The following SLC16A11 variants were observed in gnomAD, a reference collection of about 807,000 sequenced individuals.
The protein encoded by SLC16A11 is solute carrier family 16 member 11.
In SLC16A11, 24 loss-of-function variants were observed where a neutral mutation model predicts 26.0. The ratio of observed to expected loss-of-function variants is 0.92; its 90% confidence interval spans 0.67 to 1.30. The LOEUF is 1.30. SLC16A11 is among the 50% of genes most tolerant of loss of function. The probability of loss-of-function intolerance (pLI) is 0.00; values close to 1 mark genes in which losing one functional copy is unlikely to be tolerated. For missense variants in SLC16A11, 638 were observed against 597.7 expected (o/e 1.07, Z -0.70); for synonymous variants, 332 against 296.0 (o/e 1.12, Z -1.25).
chr17:7,042,411 C>G lies in SLC16A11; in HGVS notation c.699G>C (p.Gly233=). The part of the protein sequence containing the change: ...FALGTALVGG[G]YFVPYVHLAP... The stretch of plus-strand genomic sequence containing the variant: ...CCAAGTGCACGTAAGGAACGAAGTA[C>G]CCGCCCCCAACCAGGGCTGTGCCTA... The change falls in exon 4 of 5, where the codon GGG becomes GGC. Residue 233 remains glycine (G), a synonymous_variant. Transcript: ENST00000574600. The surrounding 1 kb of genome is among the most constrained non-coding windows in gnomAD (Gnocchi z 5.9). 1.3e-6 allele frequency: 2 copies of G among 1,560,662 alleles called. No individual in the cohort carries two copies. Among genetic ancestry groups the G allele is most frequent in the Non-Finnish European group, 1.7e-6 (2 of 1,151,726 alleles).
At position 7,042,055 on chromosome 17, in the gene SLC16A11, G is replaced by A. The variant is rs1400386875; in HGVS notation, c.1055C>T (p.Ala352Val). 3.7e-6 allele frequency: 6 copies of A among 1,602,936 alleles called. No individual in the cohort carries two copies. The highest frequency in any genetic ancestry group is 5.1e-6 in the Non-Finnish European group (6 of 1,172,932). ...CATCAGCATCATCACCAGCCCTGTGGCCTGCACCACACCTCCGACGCCCAC... is the reference window on the plus strand; with the variant it reads ...CATCAGCATCATCACCAGCCCTGTGACCTGCACCACACCTCCGACGCCCAC... ...GLVGVGGVVQ[A>V]TGLVMMLMSL... Residue 352 changes from alanine to valine, a missense_variant, in exon 4 of 5, where the codon GCC becomes GTC. Ala to Val is a moderately conservative substitution (Grantham distance 64). Transcript: ENST00000574600. The surrounding 1 kb of genome is among the most constrained non-coding windows in gnomAD (Gnocchi z 5.9).
In SLC16A11 at chr17:7,041,696, G is replaced by A. The variant is rs1910740601; in HGVS notation, c.1327C>T (p.Leu443=). 6.2e-7 allele frequency: 1 copy of A among 1,608,674 alleles called. No homozygotes were observed. Among genetic ancestry groups the A allele is most frequent in the Non-Finnish European group, 8.5e-7 (1 of 1,177,606 alleles). Residue 443 remains leucine (L), a synonymous_variant, in exon 5 of 5, where the codon CTG becomes TTG. Transcript: ENST00000574600. ...LLSPGGPGST[L]DTTC ...GAAAATAATCAACAAGTGGTGTCCA[G>A]AGTGGAGCCAGGGCCTCCTGGGGAC...
chr17:7,043,168 GTTC>G, intron 2 of SLC16A11, 95 bp from the exon 3 acceptor site: 1 of 1,458,866 alleles, frequency 6.9e-7, no homozygotes, highest in Non-Finnish European at 9.0e-7. Flanking sequence ...CGAACTAATG[GTTC>G]TTCTCCTTGA....
rs1300926636 is a variant in SLC16A11 at position 7,043,448 on chromosome 17, G to C, written c.66C>G (p.Phe22Leu). 1.9e-6 allele frequency: 3 copies of C among 1,597,812 alleles called. No homozygotes were observed. The highest frequency in any genetic ancestry group is 2.5e-6 in the Non-Finnish European group (3 of 1,176,830). ...GWGWVVAAAAFAINGLSYGLL... is the reference protein window; with the variant it reads ...GWGWVVAAAALAINGLSYGLL... ...GCCCGTAGGACAGCCCGTTTATCGC[G>C]AAGGCTGCGGCCGCCACCACCCAGC... Residue 22 changes from phenylalanine (F) to leucine (L), a missense_variant, in exon 2 of 5, where the codon TTC becomes TTG. Transcript: ENST00000574600.
intron 1 of SLC16A11, 44 bp downstream of exon 1, chr17:7,043,731 C>T (rs1910879594): frequency 1.0e-6 from 1 of 992,804 alleles, no homozygotes; most frequent in Non-Finnish European, 1.4e-6. Context: ...GCCAGATCCC[C>T]AGGCCCGAGG....
chr17:7,043,187 A>G (rs1881567516), intron 2 of SLC16A11, 114 bp from the exon 3 acceptor site: 2 of 1,467,266 alleles, frequency 1.4e-6, no homozygotes, highest in African/African-American at 2.8e-5. Context: ...CTTGACCTCA[A>G]GATGCACTCT....
Position 7,042,342 on chromosome 17 carries a change from C to A in SLC16A11, c.768G>T (p.Ala256=), listed in dbSNP as rs1236937780. The change falls in exon 4 of 5, where the codon GCG becomes GCT. Residue 256 remains alanine (A), a synonymous_variant. Transcript: ENST00000574600. This position sits in a 1 kb window ranked among gnomAD's most constrained non-coding sequence, Gnocchi z 5.9. ...CCATCGCAGCCACGGCCACCACCAG[C>A]GCTGCTCCGTATCCCCCCAGGCCCC... ...LDRGLGGYGA[A]LVVAVAAMGD... is the part of the protein sequence containing the mutation. The A allele has an allele frequency of 6.4e-7, 1 of 1,557,116 alleles. No homozygotes were observed. The highest frequency in any genetic ancestry group is 1.2e-5 in the South Asian group (1 of 84,490).
chr17:7,043,435 G>C lies in SLC16A11; in HGVS notation c.79C>G (p.Leu27Val), dbSNP rs757941446. ...VAAAAFAINGLSYGLLRSLGL... is the reference protein window; with the variant it reads ...VAAAAFAINGVSYGLLRSLGL... The stretch of plus-strand genomic sequence containing the variant: ...AGCGAGCGCAGCAGCCCGTAGGACA[G>C]CCCGTTTATCGCGAAGGCTGCGGCC... Residue 27 changes from leucine to valine, a missense_variant, in exon 2 of 5, where the codon CTG (leucine) becomes GTG (valine). Physicochemically the swap from Leu to Val is conservative, Grantham distance 32 (BLOSUM62 1). Transcript: ENST00000574600. 3.0e-5 allele frequency: 48 copies of C among 1,600,768 alleles called. No individual in the cohort carries two copies. Among genetic ancestry groups the C allele is most frequent in the Non-Finnish European group, 4.0e-5 (47 of 1,177,450 alleles).
In SLC16A11 at chr17:7,043,366, C is replaced by T. The variant is rs780600906; in HGVS notation, c.148G>A (p.Ala50Thr). The T allele has an allele frequency of 6.2e-7, 1 of 1,610,436 alleles. No homozygotes were observed. Among genetic ancestry groups the T allele is most frequent in the Non-Finnish European group, 8.5e-7 (1 of 1,179,832 alleles). Residue 50 changes from alanine to threonine, a missense_variant, in exon 2 of 5, where the codon GCC becomes ACC. By Grantham distance (58) the Ala-to-Thr change is moderately conservative. Transcript: ENST00000574600. ...GCGCTGATCCACGCAGTGTCCTGGG[C>T]GCTTCGGTCAAAGTGCTCGGCAAGG... ...PDLAEHFDRS[A>T]QDTAWISALA... is the part of the protein sequence containing the mutation.
At position 7,043,824 on chromosome 17, in the gene SLC16A11, C is replaced by T. The variant is rs1451763293; in HGVS notation, c.-56G>A. 4.3e-6 allele frequency: 2 copies of T among 465,964 alleles called. No individual in the cohort carries two copies. Among genetic ancestry groups the T allele is most frequent in the Admixed American group, 8.1e-5 (2 of 24,716 alleles). 28.9% of individuals were successfully genotyped at this position (465,964 alleles called of 1,614,324 possible). On this transcript the variant is annotated 5_prime_UTR_variant, in exon 1 of 5. Coordinates refer to ENST00000574600, the MANE Select transcript of SLC16A11 (RefSeq NM_001370549.1). ...AGGGGAAGGGTGAGGAAGGGCTGGG[C>T]CCGGCTTTCTCTCTGCTTCCCAGGC... is the stretch of plus-strand genomic sequence containing the variant.
rs2151670826 is a variant in SLC16A11 at position 7,042,180 on chromosome 17, GC to G, written c.929del (p.Gly310AlafsTer18). On this transcript the variant is annotated frameshift_variant, in exon 4 of 5. Coordinates refer to ENST00000574600, the MANE Select transcript of SLC16A11 (RefSeq NM_001370549.1). LOFTEE classifies it high-confidence loss of function. The surrounding 1 kb of genome is among the most constrained non-coding windows in gnomAD (Gnocchi z 5.9). Reference protein sequence around the residue: ...WVVGLVPVVGGEESWGGPLLA... With the variant: ...WVVGLVPVVGXEESWGGPLLA... ...GCAGGGGACCCCCCCAGCTCTCTTC[GC>G]CGCCCACCACGGGCACCAGCCCCAC... 6.4e-7 allele frequency: 1 copy of G among 1,568,420 alleles called. No homozygotes were observed. Among genetic ancestry groups the G allele is most frequent in the East Asian group, 2.4e-5 (1 of 41,824 alleles).
rs773973112 is a variant in SLC16A11 at position 7,042,517 on chromosome 17, T to C, written c.593A>G (p.Asp198Gly). Residue 198 changes from aspartate (D) to glycine (G), a missense_variant, in exon 4 of 5, where the codon GAC becomes GGC. By Grantham distance (94) the Asp-to-Gly change is moderately conservative. Transcript: ENST00000574600. The surrounding 1 kb of genome is among the most constrained non-coding windows in gnomAD (Gnocchi z 5.9). ...GGGACTACGCGGTGGGGCTGGGGGG[T>C]CTCCAGGAAGGACCAGGGGTAGCAG... ...ALLLPLVLPG[D>G]PPAPPRSPLA... is the part of the protein sequence containing the mutation. The C allele has an allele frequency of 3.3e-5, 51 of 1,563,492 alleles. No individual in the cohort carries two copies. Among genetic ancestry groups the C allele is most frequent in the Non-Finnish European group, 4.4e-5 (51 of 1,154,552 alleles).
Position 7,042,044 on chromosome 17 carries a change from C to A in SLC16A11, c.1066G>T (p.Val356Leu). 1 of 1,595,700 alleles carries A rather than the reference C, an allele frequency of 6.3e-7. No individual in the cohort carries two copies. ...CCCCCGAGGCTCATCAGCATCATCA[C>A]CAGCCCTGTGGCCTGCACCACACCT... ...VGGVVQATGL[V>L]MMLMSLGGLL... Residue 356 changes from valine (V) to leucine (L), a missense_variant, in exon 4 of 5, where the codon GTG becomes TTG. Coordinates refer to ENST00000574600, the MANE Select transcript of SLC16A11 (RefSeq NM_001370549.1). This position sits in a 1 kb window ranked among gnomAD's most constrained non-coding sequence, Gnocchi z 5.9.
Position 7,042,792 on chromosome 17 carries a change from C to A in SLC16A11, c.347-29G>T. Reference sequence around the variant, plus strand: ...CGAATGAATAGGAGGGGATGGGGGCCGGCACTGGGGACGCCCGCCCCAGCA... The same window carrying A: ...CGAATGAATAGGAGGGGATGGGGGCAGGCACTGGGGACGCCCGCCCCAGCA... On this transcript the variant is annotated intron_variant, in intron 3 of 4. Transcript: ENST00000574600. The surrounding 1 kb of genome is among the most constrained non-coding windows in gnomAD (Gnocchi z 5.9). 1 of 1,543,078 alleles carries A rather than the reference C, an allele frequency of 6.5e-7. No homozygotes were observed. The highest frequency in any genetic ancestry group is 8.7e-7 in the Non-Finnish European group (1 of 1,146,168).
Position 7,042,471 on chromosome 17 carries a change from AC to A in SLC16A11, c.638del (p.Ser213IlefsTer13). The stretch of plus-strand genomic sequence containing the variant: ...TTGAGAAGGCCCGGCGTGTGAACAG[AC>A]TCAGGCCGAGGGCAGCTAGGGGACT... ...PRSPLAALGL[S>X]LFTRRAFSIF... On this transcript the variant is annotated frameshift_variant, in exon 4 of 5. Coordinates refer to ENST00000574600, the MANE Select transcript of SLC16A11 (RefSeq NM_001370549.1). LOFTEE classifies it high-confidence loss of function. The surrounding 1 kb of genome is among the most constrained non-coding windows in gnomAD (Gnocchi z 5.9). 6.4e-7 allele frequency: 1 copy of A among 1,557,394 alleles called. No individual in the cohort carries two copies. Among genetic ancestry groups the A allele is most frequent in the East Asian group, 2.4e-5 (1 of 41,922 alleles).
rs778302455 is a variant in SLC16A11 at position 7,042,359 on chromosome 17, C to G, written c.751G>C (p.Gly251Arg). ...LAPHALDRGL[G>R]GYGAALVVAV... ...ACCACCAGCGCTGCTCCGTATCCCC[C>G]CAGGCCCCGGTCTAAAGCGTGGGGA... is the stretch of plus-strand genomic sequence containing the variant. Residue 251 changes from glycine (G) to arginine (R), a missense_variant, in exon 4 of 5, where the codon GGG becomes CGG. Coordinates refer to ENST00000574600, the MANE Select transcript of SLC16A11 (RefSeq NM_001370549.1). The surrounding 1 kb of genome is among the most constrained non-coding windows in gnomAD (Gnocchi z 5.9). 4.5e-6 allele frequency: 7 copies of G among 1,563,304 alleles called. No homozygotes were observed. The East Asian group carries it at 1.4e-4, about 32-fold the overall frequency.
Position 7,043,816 on chromosome 17 carries a change from G to A in SLC16A11, c.-48C>T. 2.1e-6 allele frequency: 1 copy of A among 485,044 alleles called. No homozygotes were observed. The highest frequency in any genetic ancestry group is 3.5e-6 in the Non-Finnish European group (1 of 286,334). The allele number at this position is 485,044 out of a possible 1,614,324, so 30.0% of individuals were successfully genotyped here. A position where few individuals can be genotyped will look rare whatever the true frequency, so the allele number is the denominator to read the frequency against. On this transcript the variant is annotated 5_prime_UTR_variant, in exon 1 of 5. Coordinates refer to ENST00000574600, the MANE Select transcript of SLC16A11 (RefSeq NM_001370549.1). ...GTGCGGGGAGGGGAAGGGTGAGGAA[G>A]GGCTGGGCCCGGCTTTCTCTCTGCT...
At position 7,043,092 on chromosome 17, in the gene SLC16A11, A is replaced by C. The variant is rs1597347821; in HGVS notation, c.203-19T>G. ...ACGGGGCCTGAAAGGGGGCGGAGTCAACGGAAGACACGCCCCCGGGCCCCC... is the reference window on the plus strand; with the variant it reads ...ACGGGGCCTGAAAGGGGGCGGAGTCCACGGAAGACACGCCCCCGGGCCCCC... On this transcript the variant is annotated intron_variant, in intron 2 of 4. Coordinates refer to ENST00000574600, the MANE Select transcript of SLC16A11 (RefSeq NM_001370549.1). 6.6e-7 allele frequency: 1 copy of C among 1,510,122 alleles called. No homozygotes were observed. 93.5% of individuals were successfully genotyped at this position (1,510,122 alleles called of 1,614,324 possible).
Position 7,042,597 on chromosome 17 carries a change from G to T in SLC16A11, c.513C>A (p.Gly171=). 1 of 1,582,470 alleles carries T rather than the reference G, an allele frequency of 6.3e-7. No homozygotes were observed. Among genetic ancestry groups the T allele is most frequent in the Non-Finnish European group, 8.6e-7 (1 of 1,167,578 alleles). Residue 171 remains glycine, a synonymous_variant, in exon 4 of 5, where the codon GGC becomes GGA. Coordinates refer to ENST00000574600, the MANE Select transcript of SLC16A11 (RefSeq NM_001370549.1). The surrounding 1 kb of genome is among the most constrained non-coding windows in gnomAD (Gnocchi z 5.9). ...TGATCGCGCCGAGGAGGAGCAGAGCGCCCCGCCAGCCGAAAGTATCGAGAA... is the reference window on the plus strand; with the variant it reads ...TGATCGCGCCGAGGAGGAGCAGAGCTCCCCGCCAGCCGAAAGTATCGAGAA... ...QLLLDTFGWR[G]ALLLLGAITL... is the part of the protein sequence containing the mutation.
Sources: allele counts gnomAD v4.1 joint callset, GRCh38; gene constraint gnomAD v4.1.1; non-coding constraint Gnocchi (gnomAD v3.1); transcripts MANE v1.5; gene names NCBI Gene and HGNC (gene_info 2026-07-23, HGNC 2026-07-21).